Variants in ROBO1 observed in about 807,000 individuals in gnomAD.
ROBO1 encodes roundabout homolog 1.
A neutral mutation model predicts 195.9 loss-of-function variants in ROBO1; 149 were observed. The observed-to-expected ratio is 0.76, with a 90% CI of 0.67 to 0.87. The LOEUF (loss-of-function observed/expected upper bound fraction) is 0.87. Ranked by LOEUF, ROBO1 falls within the 40% of genes least tolerant of loss-of-function variation. The pLI, the probability that ROBO1 is intolerant of heterozygous loss-of-function variation, is 0.00. For synonymous variants in ROBO1, 816 were observed against 733.2 expected (o/e 1.11, Z -1.82); for missense variants, 1,933 against 2,068.3 (o/e 0.93, Z 1.27).
intron 2 of ROBO1, among the ~76,000 whole-genome samples, chr3:79,387,675 A>G (rs901199255): frequency 1.2e-4 from 17 of 144,992 alleles, no homozygotes; most frequent in African/African-American, 4.3e-4. Flanking sequence ...ATATAAAACA[A>G]ATATGTAATA....
rs985963684 is a variant in ROBO1, at chr3:79,162,382, G to A, written c.89-36843C>T. ...AGAATGAAACTGAAAGCTAAATTAA[G>A]GTGGAACCTACATGTGGTAAGGAAA... is the stretch of plus-strand genomic sequence containing the variant. On this transcript the variant is annotated intron_variant, in intron 2 of 30. Coordinates refer to ENST00000464233, the MANE Select transcript of ROBO1 (RefSeq NM_002941.4). 1.1e-4 allele frequency among the ~76,000 whole-genome samples: 16 copies of A among 152,070 alleles called. 1 individual carries two copies. The East Asian group carries it at 3.1e-3, about 29-fold the overall frequency.
At chr3:78,865,597 G>A (rs182980332) in intron 4 of ROBO1, among the ~76,000 whole-genome samples, 232 of 150,754 alleles carry the variant, frequency 1.5e-3, no homozygotes, top group African/African-American at 5.4e-3. Context: ...TCAGCCTCCC[G>A]AGTAGCTGGG....
chr3:79,290,188 C>T (rs189284348), intron 2 of ROBO1, among the ~76,000 whole-genome samples: 1 of 152,132 alleles, frequency 6.6e-6, no homozygotes, highest in Admixed American at 6.5e-5. Context: ...AGTCCGCCAC[C>T]ATGCCCAGCT....
intron 25 of ROBO1, among the ~76,000 whole-genome samples, chr3:78,629,465 G>A (rs1047475272): frequency 3.9e-5 from 6 of 152,132 alleles, no homozygotes; most frequent in Non-Finnish European, 5.9e-5. Flanking sequence ...GCTGAGGCGG[G>A]ACGATCGCTT....
intron 2 of ROBO1, among the ~76,000 whole-genome samples, chr3:79,562,049 T>A (rs559442940): frequency 1.6e-4 from 25 of 152,256 alleles, no homozygotes; most frequent in African/African-American, 5.8e-4. Flanking sequence ...ACTCTAAAGT[T>A]TTATACATGT....
chr3:79,153,216 T>C (rs2080803092), intron 2 of ROBO1, among the ~76,000 whole-genome samples: 1 of 151,702 alleles, frequency 6.6e-6, no homozygotes, highest in South Asian at 2.1e-4. Flanking sequence ...GACTTCCACG[T>C]AGAAGAACCA....
At chr3:78,658,450 T>C (rs552075492) in intron 17 of ROBO1, among the ~76,000 whole-genome samples, 25 of 152,208 alleles carry the variant, frequency 1.6e-4, no homozygotes, top group Admixed American at 1.6e-3. Flanking sequence ...ACCACCACAC[T>C]CAGCTAATTT....
intron 2 of ROBO1, among the ~76,000 whole-genome samples, chr3:79,347,027 T>A (rs1303937708): frequency 6.6e-6 from 1 of 152,032 alleles, no homozygotes; most frequent in Non-Finnish European, 1.5e-5. Context: ...AAAAATAGGT[T>A]TTACAAAGTA....
chr3:79,490,084 G>C (rs561014650), intron 2 of ROBO1, among the ~76,000 whole-genome samples: 1 of 152,090 alleles, frequency 6.6e-6, no homozygotes, highest in Admixed American at 6.5e-5. Context: ...GTTATTTGTT[G>C]TCATATAAAT....
At chr3:78,904,771 T>C (rs778961182) in intron 4 of ROBO1, among the ~76,000 whole-genome samples, 2 of 151,042 alleles carry the variant, frequency 1.3e-5, no homozygotes, top group African/African-American at 4.9e-5. Flanking sequence ...TATATATGTA[T>C]AGGTATATAT....
At chr3:78,721,463 T>C (rs1005425349) in intron 5 of ROBO1, among the ~76,000 whole-genome samples, 8 of 152,190 alleles carry the variant, frequency 5.3e-5, no homozygotes, top group African/African-American at 1.7e-4. Flanking sequence ...GAGCCTCTTC[T>C]TATGCCTCAG....
At chr3:79,223,735 T>C (rs904461813) in intron 2 of ROBO1, among the ~76,000 whole-genome samples, 4 of 152,182 alleles carry the variant, frequency 2.6e-5, no homozygotes, top group African/African-American at 9.7e-5. Context: ...TGAATCTACT[T>C]GCAGGTCTGT....
At chr3:78,987,028 C>T (rs1479589768) in intron 3 of ROBO1, among the ~76,000 whole-genome samples, 1 of 151,240 alleles carries the variant, frequency 6.6e-6, no homozygotes, top group Admixed American at 6.6e-5. Context: ...TGAGTAAAAA[C>T]ATTTACTGGC....
intron 2 of ROBO1, among the ~76,000 whole-genome samples, chr3:79,136,656 A>G (rs1413613218): frequency 6.6e-6 from 1 of 152,156 alleles, no homozygotes; most frequent in African/African-American, 2.4e-5. Context: ...AGAAACCCCT[A>G]TATTTGTGAA....
intron 1 of ROBO1, among the ~76,000 whole-genome samples, chr3:79,665,165 T>G (rs73849482): frequency 0.012 from 1,766 of 152,056 alleles, 31 homozygotes; most frequent in African/African-American, 0.041. Context: ...GGACTATTTA[T>G]TCAGCAGATA....
At chr3:79,760,083 A>G (rs981602200) in intron 1 of ROBO1, among the ~76,000 whole-genome samples, 3 of 151,618 alleles carry the variant, frequency 2.0e-5, no homozygotes, top group African/African-American at 7.3e-5. Context: ...CTAAAAATAC[A>G]AAAATTATCT....
chr3:79,096,549 CAGGCAAACTG>C (rs924611590), intron 3 of ROBO1, among the ~76,000 whole-genome samples: 1 of 151,580 alleles, frequency 6.6e-6, no homozygotes, highest in African/African-American at 2.4e-5. Flanking sequence ...ACTCTCATTT[CAGGCAAACTG>C]AAGGTTTTGG....
At chr3:78,676,294 T>A (rs1167158095) in intron 10 of ROBO1, among the ~76,000 whole-genome samples, 1 of 152,160 alleles carries the variant, frequency 6.6e-6, no homozygotes, top group Non-Finnish European at 1.5e-5. Context: ...GGAACGCAGT[T>A]CCTCACCAGC....
chr3:79,235,814 G>T (rs1225890982), intron 2 of ROBO1, among the ~76,000 whole-genome samples: 1 of 151,748 alleles, frequency 6.6e-6, no homozygotes, highest in Non-Finnish European at 1.5e-5. Flanking sequence ...ATATATTATT[G>T]GGTTTAAAAA....
Sources: gnomAD v4.1 joint callset for allele counts (sites outside exome capture counted in the v4.1 genomes callset) on GRCh38, gnomAD v4.1.1 for gene constraint, MANE v1.5 for transcripts, NCBI Gene and HGNC (gene_info 2026-07-23, HGNC 2026-07-21) for gene names.